The following BICC1 variants were observed in gnomAD, a reference collection of about 807,000 sequenced individuals.
The protein encoded by BICC1 is protein bicaudal C homolog 1.
In BICC1, 43 loss-of-function variants were observed where a neutral mutation model predicts 111.0. That is an observed-to-expected ratio of 0.39 (90% confidence interval 0.30 to 0.50). BICC1 has a LOEUF of 0.50. BICC1 is among the 20% of genes least tolerant of loss of function. BICC1 has a pLI of 0.88. For synonymous variants in BICC1, 467 were observed against 434.4 expected (o/e 1.07, Z -0.93); for missense variants, 1,091 against 1,203.2 (o/e 0.91, Z 1.38).
intron 2 of BICC1, among the ~76,000 whole-genome samples, chr10:58,652,608 G>A (rs960780772): frequency 9.9e-5 from 15 of 152,046 alleles, no homozygotes; most frequent in Admixed American, 5.9e-4. Flanking sequence ...CATTATCCAC[G>A]TAACACGGTC....
chr10:58,782,880 T>C (rs1321923563), intron 3 of BICC1, among the ~76,000 whole-genome samples: 2 of 152,162 alleles, frequency 1.3e-5, no homozygotes, highest in African/African-American at 4.8e-5. Context: ...GATCTGTCTG[T>C]TTACATAAGT....
chr10:58,663,682 A>G (rs1167456228), intron 2 of BICC1, among the ~76,000 whole-genome samples: 1 of 152,210 alleles, frequency 6.6e-6, no homozygotes, highest in Non-Finnish European at 1.5e-5. Context: ...TGAGAATCTA[A>G]TGCCTGATGA....
At chr10:58,814,675 G>A (rs1424699260) in intron 18 of BICC1, among the ~76,000 whole-genome samples, 1 of 150,054 alleles carries the variant, frequency 6.7e-6, no homozygotes, top group Non-Finnish European at 1.5e-5. Context: ...TGCGCCAATA[G>A]TCTTAGCCTA....
intron 3 of BICC1, among the ~76,000 whole-genome samples, chr10:58,759,281 G>A (rs1220556218): frequency 1.3e-5 from 2 of 151,968 alleles, no homozygotes; most frequent in African/African-American, 4.8e-5. Flanking sequence ...ATATTTAAGA[G>A]AGTGGCAATA....
At chr10:58,793,638 G>T (rs776272275) in intron 9 of BICC1, 23 bp downstream of exon 9, 1 of 1,611,452 alleles carries the variant, frequency 6.2e-7, no homozygotes, top group South Asian at 1.1e-5. Context: ...TCTGAATCCA[G>T]AGAATTATGT....
intron 1 of BICC1, among the ~76,000 whole-genome samples, chr10:58,592,971 G>C (rs1465684075): frequency 6.7e-6 from 1 of 150,182 alleles, no homozygotes; most frequent in Non-Finnish European, 1.5e-5. Context: ...AGCACACTAA[G>C]ATCCACTGGC....
intron 3 of BICC1, among the ~76,000 whole-genome samples, chr10:58,761,711 T>C (rs1241036252): frequency 6.6e-6 from 1 of 152,094 alleles, no homozygotes; most frequent in African/African-American, 2.4e-5. Context: ...AAGGATGTAA[T>C]TGGGCTCCTC....
rs767585993 is a variant in BICC1, at chr10:58,796,532, C to T, written c.1366+6C>T. On this transcript the variant is annotated splice_donor_region_variant and intron_variant, in intron 10 of 20. Coordinates refer to ENST00000373886, the MANE Select transcript of BICC1 (RefSeq NM_001080512.3). The stretch of plus-strand genomic sequence containing the variant: ...CCTTGGACTCACTGGACTAGGTATA[C>T]AATTTATTATTACAGCGCGTCTCAG... 6.2e-7 allele frequency: 1 copy of T among 1,605,452 alleles called. No homozygotes were observed. The highest frequency in any genetic ancestry group is 8.5e-7 in the Non-Finnish European group (1 of 1,175,762).
chr10:58,591,233 T>G (rs1257569054), intron 1 of BICC1, among the ~76,000 whole-genome samples: 1 of 151,898 alleles, frequency 6.6e-6, no homozygotes, highest in East Asian at 1.9e-4. Flanking sequence ...TCTCCACAAG[T>G]GTGACTTGGG....
At chr10:58,664,432 A>G (rs984433418) in intron 2 of BICC1, among the ~76,000 whole-genome samples, 5 of 149,876 alleles carry the variant, frequency 3.3e-5, no homozygotes, top group Non-Finnish European at 5.9e-5. Context: ...TAGGTTCTTC[A>G]TAAGATATAG....
intron 2 of BICC1, among the ~76,000 whole-genome samples, chr10:58,670,985 A>T (rs1371314992): frequency 1.3e-5 from 2 of 152,126 alleles, no homozygotes; most frequent in Non-Finnish European, 2.9e-5. Context: ...ATATTCTAGA[A>T]CAAGCAAAAC....
intron 1 of BICC1, among the ~76,000 whole-genome samples, chr10:58,607,980 C>T (rs1845285181): frequency 6.6e-6 from 1 of 152,120 alleles, no homozygotes; most frequent in African/African-American, 2.4e-5. Context: ...GGGACTTGAG[C>T]AAGTCTAAGT....
rs576971400 is a variant in BICC1 at position 58,650,210 on chromosome 10, C to T, written c.237+29309C>T. The stretch of plus-strand genomic sequence containing the variant: ...TATTTCCTCTCTCTGTCTCTTTCTC[C>T]CTGTCTTCTTCCTTTACTCCACTGC... On this transcript the variant is annotated intron_variant, in intron 2 of 20. Coordinates refer to ENST00000373886, the MANE Select transcript of BICC1 (RefSeq NM_001080512.3). 2.0e-5 allele frequency: 3 copies of T among 152,194 alleles called. No homozygotes were observed. In the South Asian group the frequency reaches 6.2e-4, roughly 32 times the overall value. 9.4% of individuals were successfully genotyped at this position (152,194 alleles called of 1,614,324 possible).
intron 3 of BICC1, among the ~76,000 whole-genome samples, chr10:58,711,722 C>T (rs187023817): frequency 9.5e-4 from 145 of 152,084 alleles, no homozygotes; most frequent in Non-Finnish European, 1.3e-4. Context: ...CTCTCCTGTA[C>T]CAGGGTCAGA....
At chr10:58,785,295 C>T (rs909485248) in intron 4 of BICC1, among the ~76,000 whole-genome samples, 2 of 152,240 alleles carry the variant, frequency 1.3e-5, no homozygotes, top group Middle Eastern at 6.8e-3. Context: ...CATACACACA[C>T]ACACACCTAT....
intron 1 of BICC1, among the ~76,000 whole-genome samples, chr10:58,519,598 T>C (rs752642042): frequency 2.6e-5 from 4 of 152,194 alleles, no homozygotes; most frequent in Non-Finnish European, 4.4e-5. Flanking sequence ...GTAGAATTTC[T>C]TTCTTTCCTT....
At chr10:58,708,065 A>C (rs1840450425) in intron 3 of BICC1, among the ~76,000 whole-genome samples, 1 of 137,050 alleles carries the variant, frequency 7.3e-6, no homozygotes, top group African/African-American at 2.7e-5. Context: ...GCTGGTCGTG[A>C]ACTCCTGACC....
intron 2 of BICC1, among the ~76,000 whole-genome samples, chr10:58,621,909 T>C (rs59546504): frequency 0.55 from 43,722 of 79,860 alleles, 13,335 homozygotes; most frequent in African/African-American, 0.62. Context: ...AAAATTAGAA[T>C]AGAATAGAAT....
intron 2 of BICC1, among the ~76,000 whole-genome samples, chr10:58,670,932 G>A (rs1183411907): frequency 6.6e-6 from 1 of 152,114 alleles, no homozygotes; most frequent in African/African-American, 2.4e-5. Context: ...GGTGAAAGAA[G>A]CCTCACCCCA....
Sources: gnomAD v4.1 joint callset for allele counts (sites outside exome capture counted in the v4.1 genomes callset) on GRCh38, gnomAD v4.1.1 for gene constraint, MANE v1.5 for transcripts, NCBI Gene and HGNC (gene_info 2026-07-23, HGNC 2026-07-21) for gene names.